BCAM: variants seen among roughly 807,000 people sequenced by gnomAD.
BCAM encodes the protein basal cell adhesion molecule (Lutheran blood group), also known as basal cell adhesion molecule.
In BCAM, 61 loss-of-function variants were observed where a neutral mutation model predicts 72.4. The observed-to-expected ratio is 0.84, with a 90% CI of 0.69 to 1.04. The LOEUF (loss-of-function observed/expected upper bound fraction) is 1.04. Ranked by LOEUF, BCAM falls within the 50% of genes least tolerant of loss-of-function variation. The pLI, the probability that BCAM is intolerant of heterozygous loss-of-function variation, is 0.00. For synonymous variants in BCAM, 408 were observed against 384.2 expected, an observed-to-expected ratio of 1.06 and a Z score of -0.73; for missense variants, 909 against 895.0, an observed-to-expected ratio of 1.02 and a Z score of -0.20.
intron 8 of BCAM, among the ~76,000 whole-genome samples, chr19:44,816,541 C>T (rs952831155): frequency 1.3e-5 from 2 of 152,186 alleles, no homozygotes; most frequent in South Asian, 2.1e-4. Context: ...TCCTTCTTAG[C>T]AGCTGGTGGA....
Position 44,814,114 on chromosome 19 carries a change from C to G in BCAM, c.785-38C>G, listed in dbSNP as rs777044352. On this transcript the variant is annotated intron_variant, in intron 6 of 14. Coordinates refer to ENST00000270233, the MANE Select transcript of BCAM (RefSeq NM_005581.5). The surrounding 1 kb of genome is among the most constrained non-coding windows in gnomAD (Gnocchi z 4.6). Reference sequence around the variant, plus strand: ...GCCTGTCCTCTAGCCTTGACCCTTCCCCTGATCACAATTCCCATCTCCCTG... The same window carrying G: ...GCCTGTCCTCTAGCCTTGACCCTTCGCCTGATCACAATTCCCATCTCCCTG... 1 of 1,552,340 alleles carries G rather than the reference C, an allele frequency of 6.4e-7. No homozygotes were observed. Among genetic ancestry groups the G allele is most frequent in the South Asian group, 1.2e-5 (1 of 83,294 alleles).
intron 1 of BCAM, among the ~76,000 whole-genome samples, chr19:44,810,523 G>A (rs974402647): frequency 1.3e-5 from 2 of 152,100 alleles, no homozygotes; most frequent in African/African-American, 2.4e-5. Context: ...ATGGGAGAGC[G>A]GAAGAGACCC....
rs1228233076 is a variant in BCAM, at chr19:44,812,759, G to A, written c.504+211G>A. 1.7e-6 allele frequency: 1 copy of A among 582,870 alleles called. No homozygotes were observed. The highest frequency in any genetic ancestry group is 3.0e-6 in the Non-Finnish European group (1 of 331,522). 36.1% of individuals were successfully genotyped at this position (582,870 alleles called of 1,614,324 possible). A position where few individuals can be genotyped will look rare whatever the true frequency, so the allele number is the denominator to read the frequency against. ...GAGGTCAGGAGTTCCAGACCAGCCT[G>A]GCCAACATAATGAAACCCCGTCTCT... On this transcript the variant is annotated intron_variant, in intron 4 of 14. Transcript: ENST00000270233. The surrounding 1 kb of genome is among the most constrained non-coding windows in gnomAD (Gnocchi z 5.3).
Position 44,813,531 on chromosome 19 carries a change from A to T in BCAM, c.695A>T (p.Asp232Val), listed in dbSNP as rs149648265. ...CTGCGGCTCCGCAAGGATGACCGAG[A>T]CGCCAGCTTCCACTGCGCCGCCCAC... Reference protein sequence around the residue: ...LYLRLRKDDRDASFHCAAHYS... With the variant: ...LYLRLRKDDRVASFHCAAHYS... Residue 232 changes from aspartate (D) to valine (V), a missense_variant, in exon 6 of 15, where the codon GAC (aspartate) becomes GTC (valine). Physicochemically the swap from Asp to Val is radical, Grantham distance 152. Coordinates refer to ENST00000270233, the MANE Select transcript of BCAM (RefSeq NM_005581.5). The surrounding 1 kb of genome is among the most constrained non-coding windows in gnomAD (Gnocchi z 4.2). The T allele has an allele frequency of 7.3e-5, 117 of 1,612,656 alleles. No homozygotes were observed. The African/African-American group carries it at 1.4e-3, about 20-fold the overall frequency.
rs776020479 is a variant in BCAM at position 44,819,060 on chromosome 19, G to A, written c.1341G>A (p.Ser447=). The A allele has an allele frequency of 3.1e-6, 5 of 1,613,644 alleles. No individual in the cohort carries two copies. In the African/African-American group the frequency reaches 4.0e-5, roughly 13 times the overall value. The change falls in exon 11 of 15, where the codon TCG becomes TCA. Residue 447 remains serine, a synonymous_variant. Coordinates refer to ENST00000270233, the MANE Select transcript of BCAM (RefSeq NM_005581.5). Reference sequence around the variant, plus strand: ...TCCCATCCCCACCACCCACAGGCTCGCCAGAGCTAAAGACAGCGGAAATAG... The same window carrying A: ...TCCCATCCCCACCACCCACAGGCTCACCAGAGCTAAAGACAGCGGAAATAG... ...TQNFTLLVQG[S]PELKTAEIEP...
At position 44,809,298 on chromosome 19, in the gene BCAM, G is replaced by T. The variant is rs560767759; in HGVS notation, c.82+92G>T. Reference sequence around the variant, plus strand: ...AGAAAGGGCTTTACCCTGACCCCAGGAAGCAAAATGTGGGGACCCCAAGGA... The same window carrying T: ...AGAAAGGGCTTTACCCTGACCCCAGTAAGCAAAATGTGGGGACCCCAAGGA... On this transcript the variant is annotated intron_variant, in intron 1 of 14. Coordinates refer to ENST00000270233, the MANE Select transcript of BCAM (RefSeq NM_005581.5). 7.6e-5 allele frequency: 87 copies of T among 1,138,970 alleles called. 2 individuals carry two copies. In the South Asian group the frequency reaches 2.2e-3, roughly 29 times the overall value. The allele number at this position is 1,138,970 out of a possible 1,614,324, so 70.6% of individuals were successfully genotyped here. A position where few individuals can be genotyped will look rare whatever the true frequency, so the allele number is the denominator to read the frequency against.
In BCAM at chr19:44,809,124, C is replaced by A. The variant is rs1968382513; in HGVS notation, c.-1C>A. On this transcript the variant is annotated 5_prime_UTR_variant, in exon 1 of 15. Transcript: ENST00000270233. ...GCTCAGTCTCCGCCGCCGCCGTGAA[C>A]ATGGAGCCCCCGGACGCACCGGCCC... is the stretch of plus-strand genomic sequence containing the variant. 3 of 1,446,596 alleles carry A rather than the reference C, an allele frequency of 2.1e-6. No individual in the cohort carries two copies. The highest frequency in any genetic ancestry group is 2.7e-5 in the South Asian group (2 of 74,714). The allele number at this position is 1,446,596 out of a possible 1,614,324, so 89.6% of individuals were successfully genotyped here.
intron 13 of BCAM, chr19:44,820,271 A>G (rs912028178): frequency 1.8e-5 from 18 of 997,692 alleles, no homozygotes; most frequent in Non-Finnish European, 2.1e-5. Context: ...TCACCTAGCC[A>G]TTTCCCAACC....
Position 44,814,390 on chromosome 19 carries a change from G to A in BCAM, c.921+102G>A, listed in dbSNP as rs1274002049. The A allele has an allele frequency of 2.7e-6, 4 of 1,486,532 alleles. No individual in the cohort carries two copies. The African/African-American group carries it at 4.2e-5, about 16-fold the overall frequency. 92.1% of individuals were successfully genotyped at this position (1,486,532 alleles called of 1,614,324 possible). On this transcript the variant is annotated intron_variant, in intron 7 of 14. Transcript: ENST00000270233. The surrounding 1 kb of genome is among the most constrained non-coding windows in gnomAD (Gnocchi z 4.6). ...TAATGTGGGACCTGGGAGTCCCCATGGCTTAGGCAGCCACCTGATCTGGTG... is the reference window on the plus strand; with the variant it reads ...TAATGTGGGACCTGGGAGTCCCCATAGCTTAGGCAGCCACCTGATCTGGTG...
At chr19:44,809,075 C>T (rs1402467128), upstream of BCAM, 4 of 1,298,678 alleles carry the variant, frequency 3.1e-6, no homozygotes, top group Non-Finnish European at 2.0e-6. Context: ...CTCCCAGCCC[C>T]GCAGCGGCCG....
In BCAM at chr19:44,821,281, T is replaced by A; in HGVS notation, c.*360T>A. 1 of 257,888 alleles carries A rather than the reference T, an allele frequency of 3.9e-6. No homozygotes were observed. 16.0% of individuals were successfully genotyped at this position (257,888 alleles called of 1,614,324 possible). A position where few individuals can be genotyped will look rare whatever the true frequency, so the allele number is the denominator to read the frequency against. ...CCCCTGCTGGTCCCCCCACCTGACGTCTTGCTGCAGAGTCTGACACTGGAT... is the reference window on the plus strand; with the variant it reads ...CCCCTGCTGGTCCCCCCACCTGACGACTTGCTGCAGAGTCTGACACTGGAT... On this transcript the variant is annotated 3_prime_UTR_variant, in exon 15 of 15. Transcript: ENST00000270233.
Position 44,819,693 on chromosome 19 carries a change from C to T in BCAM, c.1730C>T (p.Pro577Leu), listed in dbSNP as rs767223856. ...TACTGCGTGAGACGCAAAGGGGGCC[C>T]CTGCTGCCGCCAGCGGCGGGAGAAG... Reference protein sequence around the residue: ...VFYCVRRKGGPCCRQRREKGA... With the variant: ...VFYCVRRKGGLCCRQRREKGA... Residue 577 changes from proline (P) to leucine (L), a missense_variant, in exon 13 of 15, where the codon CCC becomes CTC. By Grantham distance (98) the Pro-to-Leu change is moderately conservative. Coordinates refer to ENST00000270233, the MANE Select transcript of BCAM (RefSeq NM_005581.5). 1 of 1,611,406 alleles carries T rather than the reference C, an allele frequency of 6.2e-7. No homozygotes were observed. The highest frequency in any genetic ancestry group is 1.1e-5 in the South Asian group (1 of 90,950).
At chr19:44,811,369 C>T (rs889335883) in intron 2 of BCAM, 23 bp downstream of exon 2, 41 of 1,612,246 alleles carry the variant, frequency 2.5e-5, no homozygotes, top group Non-Finnish European at 3.3e-5. Flanking sequence ...GGCTGGGGGG[C>T]CTGGAGTCAG....
intron 1 of BCAM, among the ~76,000 whole-genome samples, chr19:44,810,648 C>T (rs1968405850): frequency 6.6e-6 from 1 of 152,234 alleles, no homozygotes; most frequent in Non-Finnish European, 1.5e-5. Context: ...ATTTATCCAT[C>T]ATCACAGAGG....
chr19:44,814,646 T>C lies in BCAM; in HGVS notation c.964T>C (p.Leu322=). The C allele has an allele frequency of 6.2e-7, 1 of 1,614,072 alleles. No individual in the cohort carries two copies. The highest frequency in any genetic ancestry group is 8.5e-7 in the Non-Finnish European group (1 of 1,179,978). ...EVLNVNLEGN[L]TLEGVTRGQS... is the part of the protein sequence containing the mutation. ...GCTGAATGTGAATCTCGAGGGGAAC[T>C]TGACCCTGGAGGGAGTGACCCGGGG... The change falls in exon 8 of 15, where the codon TTG becomes CTG. Residue 322 remains leucine, a synonymous_variant. Coordinates refer to ENST00000270233, the MANE Select transcript of BCAM (RefSeq NM_005581.5). This position sits in a 1 kb window ranked among gnomAD's most constrained non-coding sequence, Gnocchi z 4.6.
chr19:44,820,322 C>G, intron 13 of BCAM: 2 of 1,049,344 alleles, frequency 1.9e-6, no homozygotes, highest in Non-Finnish European at 2.3e-6. Flanking sequence ...ACCCATGTCC[C>G]CATCCCCAAT....
chr19:44,809,091 C>A (rs1310092372), upstream of BCAM: 2 of 1,360,584 alleles, frequency 1.5e-6, no homozygotes, highest in African/African-American at 3.0e-5. Flanking sequence ...GGCCGAGCTG[C>A]AGCCCGGGCT....
intron 8 of BCAM, among the ~76,000 whole-genome samples, chr19:44,816,951 A>T (rs1378200340): frequency 6.8e-6 from 1 of 146,792 alleles, no homozygotes; most frequent in Non-Finnish European, 1.5e-5. Flanking sequence ...AGAAAAAAGA[A>T]ATTGGCCGGG....
chr19:44,819,188 G>T lies in BCAM; in HGVS notation c.1469G>T (p.Gly490Val). The change falls in exon 11 of 15, where the codon GGC becomes GTC. Residue 490 changes from glycine (G) to valine (V), a missense_variant. Gly to Val is a moderately radical substitution (Grantham distance 109, BLOSUM62 -3). Transcript: ENST00000270233. The stretch of plus-strand genomic sequence containing the variant: ...AAACTCAGCTGGAGCCAATTGGGGG[G>T]CAGCGTAAGGGACCTTCCTCTCCAC... The part of the protein sequence containing the change: ...DPKLSWSQLG[G>V]SPAEPIPGRQ... 1.2e-6 allele frequency: 2 copies of T among 1,613,972 alleles called. No individual in the cohort carries two copies. Among genetic ancestry groups the T allele is most frequent in the Non-Finnish European group, 1.7e-6 (2 of 1,179,944 alleles).
Sources: gnomAD v4.1 joint callset for allele counts (sites outside exome capture counted in the v4.1 genomes callset) on GRCh38, gnomAD v4.1.1 for gene constraint, Gnocchi (gnomAD v3.1) non-coding constraint, MANE v1.5 for transcripts, NCBI Gene and HGNC (gene_info 2026-07-23, HGNC 2026-07-21) for gene names.